DPP6: variants seen among roughly 807,000 people sequenced by gnomAD.
DPP6 encodes the protein dipeptidyl peptidase like 6.
Under a neutral mutation model 122.6 loss-of-function variants are expected in DPP6, and 69 were observed. That is an observed-to-expected ratio of 0.56 (90% CI 0.46 to 0.69). DPP6 has a LOEUF of 0.69. DPP6 is among the 30% of genes least tolerant of loss of function. The pLI, the probability that DPP6 is intolerant of heterozygous loss-of-function variation, is 0.00. For missense variants in DPP6, 928 were observed against 1,116.9 expected, an observed-to-expected ratio of 0.83 and a Z score of 2.41; for synonymous variants, 418 against 433.1, an observed-to-expected ratio of 0.97 and a Z score of 0.43.
chr7:154,153,854 C>T (rs1435665112), intron 1 of DPP6, among the ~76,000 whole-genome samples: 5 of 152,120 alleles, frequency 3.3e-5, no homozygotes, highest in African/African-American at 7.2e-5. Context: ...TGCTGACTGC[C>T]GCCATTGTGT....
chr7:154,249,522 A>T (rs1185874651), intron 1 of DPP6, among the ~76,000 whole-genome samples: 2 of 152,160 alleles, frequency 1.3e-5, no homozygotes, highest in Non-Finnish European at 2.9e-5. Context: ...ATATCAAAGA[A>T]TCCTGATTAT....
At chr7:154,556,519 T>G (rs1369573495) in intron 4 of DPP6, among the ~76,000 whole-genome samples, 1 of 152,228 alleles carries the variant, frequency 6.6e-6, no homozygotes, top group Non-Finnish European at 1.5e-5. Flanking sequence ...AATGTAAGTC[T>G]CATTGTACAA....
chr7:154,092,326 G>C (rs534413857), intron 1 of DPP6: 1 of 152,108 alleles, frequency 6.6e-6, no homozygotes, highest in Non-Finnish European at 1.5e-5. Context: ...CAGTATCGGC[G>C]TCTAACCTGG....
chr7:154,137,665 G>GGA (rs1795641289), intron 1 of DPP6, among the ~76,000 whole-genome samples: 1 of 111,552 alleles, frequency 9.0e-6, no homozygotes, highest in African/African-American at 3.2e-5. Flanking sequence ...GGGTGGGGGG[G>GGA]GTGGGGCGAG....
At chr7:154,128,471 A>G (rs1808099234) in intron 1 of DPP6, among the ~76,000 whole-genome samples, 1 of 152,112 alleles carries the variant, frequency 6.6e-6, no homozygotes, top group Non-Finnish European at 1.5e-5. Flanking sequence ...GTACGATCTC[A>G]GCTCACTGCA....
At chr7:153,926,495 G>T (rs866494746) in intron 1 of DPP6, among the ~76,000 whole-genome samples, 22 of 152,164 alleles carry the variant, frequency 1.4e-4, no homozygotes, top group South Asian at 2.1e-4. Flanking sequence ...TTTGTAGAGA[G>T]TGCTTTTGGA....
At chr7:154,546,183 TTATGA>T (rs1209236810) in intron 4 of DPP6, among the ~76,000 whole-genome samples, 3 of 151,018 alleles carry the variant, frequency 2.0e-5, no homozygotes, top group African/African-American at 7.4e-5. Context: ...CAAAAAATAT[TTATGA>T]TATATTTTAA....
chr7:154,385,259 T>C (rs1435557239), intron 1 of DPP6, among the ~76,000 whole-genome samples: 1 of 152,214 alleles, frequency 6.6e-6, no homozygotes, highest in Non-Finnish European at 1.5e-5. Flanking sequence ...TTATGCATTT[T>C]TCATCAAATG....
chr7:154,144,448 T>C (rs1399193572), intron 1 of DPP6, among the ~76,000 whole-genome samples: 1 of 152,204 alleles, frequency 6.6e-6, no homozygotes, highest in Non-Finnish European at 1.5e-5. Flanking sequence ...CCTGAACAAT[T>C]TGGGATCTCT....
intron 1 of DPP6, among the ~76,000 whole-genome samples, chr7:154,405,357 G>A (rs1229474551): frequency 6.6e-6 from 1 of 152,172 alleles, no homozygotes; most frequent in Non-Finnish European, 1.5e-5. Flanking sequence ...TTTAAATAAT[G>A]TTTTGTGACG....
At chr7:154,578,995 G>A (rs1367654475) in intron 5 of DPP6, among the ~76,000 whole-genome samples, 3 of 152,172 alleles carry the variant, frequency 2.0e-5, no homozygotes, top group Non-Finnish European at 4.4e-5. Flanking sequence ...TGAGCAACAC[G>A]TGCAGAGCTT....
chr7:154,845,874 C>T (rs906558064), intron 16 of DPP6, among the ~76,000 whole-genome samples: 4 of 152,222 alleles, frequency 2.6e-5, no homozygotes. Context: ...CAGCCCCTCC[C>T]TGTAAAAAGA....
At chr7:154,619,061 A>G (rs1450381127) in intron 5 of DPP6, among the ~76,000 whole-genome samples, 3 of 152,198 alleles carry the variant, frequency 2.0e-5, no homozygotes, top group Non-Finnish European at 2.9e-5. Flanking sequence ...GCCTGCTGCC[A>G]TGTAAGATGT....
At chr7:154,849,926 A>G (rs1166964091) in intron 16 of DPP6, among the ~76,000 whole-genome samples, 51 of 152,220 alleles carry the variant, frequency 3.4e-4, no homozygotes, top group Non-Finnish European at 7.3e-5. Context: ...CAAGGATTGC[A>G]TGGCCTTCAT....
chr7:153,895,510 G>A (rs937153460), intron 1 of DPP6, among the ~76,000 whole-genome samples: 2 of 152,158 alleles, frequency 1.3e-5, no homozygotes, highest in African/African-American at 2.4e-5. Flanking sequence ...TATTTTGTTG[G>A]CATCATGATT....
At chr7:154,279,212 T>C (rs373427910) in intron 1 of DPP6, among the ~76,000 whole-genome samples, 2 of 151,978 alleles carry the variant, frequency 1.3e-5, no homozygotes. Context: ...TGTGAGTATA[T>C]GGTGTATGCA....
At chr7:154,491,155 A>G (rs555494843) in intron 3 of DPP6, among the ~76,000 whole-genome samples, 1 of 152,340 alleles carries the variant, frequency 6.6e-6, no homozygotes, top group Admixed American at 6.5e-5. Context: ...ACATTAAAAT[A>G]GGTTTTTACT....
chr7:153,887,575 C>A, exon 1 of DPP6: 3 of 1,330,428 alleles, frequency 2.3e-6, no homozygotes, highest in Non-Finnish European at 3.2e-6. Flanking sequence ...CCTTCAAAAA[C>A]CCGTTTCCAT....
chr7:153,807,425 AAAC>A, the DPP6 span, among the ~76,000 whole-genome samples: 2 of 149,760 alleles, frequency 1.3e-5, no homozygotes, highest in African/African-American at 5.1e-5. Flanking sequence ...ACAAACAAAC[AAAC>A]AAAAAAAAAA....
Sources: allele counts gnomAD v4.1 joint callset (sites outside exome capture counted in the v4.1 genomes callset), GRCh38; gene constraint gnomAD v4.1.1; transcripts MANE v1.5; gene names NCBI Gene and HGNC (gene_info 2026-07-23, HGNC 2026-07-21).